Variants in KPNA6 observed in about 807,000 individuals in gnomAD.
KPNA6 encodes karyopherin subunit alpha 6, also known as importin subunit alpha-7.
In KPNA6, 9 loss-of-function variants were observed where a neutral mutation model predicts 72.0. The observed-to-expected ratio is 0.13, with a 90% CI of 0.08 to 0.22. KPNA6 has a LOEUF of 0.22. Ranked by LOEUF, KPNA6 falls within the 10% of genes least tolerant of loss-of-function variation. The pLI is 1.00. For synonymous variants in KPNA6, 219 were observed against 242.1 expected, an observed-to-expected ratio of 0.90 and a Z score of 0.89; for missense variants, 374 against 655.7, an observed-to-expected ratio of 0.57 and a Z score of 4.69.
chr1:32,108,140 T>A lies in KPNA6; in HGVS notation c.4+6T>A. The A allele has an allele frequency of 6.2e-7, 1 of 1,613,778 alleles. No individual in the cohort carries two copies. On this transcript the variant is annotated splice_donor_region_variant and intron_variant, in intron 1 of 13. Transcript: ENST00000373625. Reference sequence around the variant, plus strand: ...AGCGAGCGGACCCGCGATGGGTGAGTGAGGAAACCACGCAGTAGGGTTCTT... The same window carrying A: ...AGCGAGCGGACCCGCGATGGGTGAGAGAGGAAACCACGCAGTAGGGTTCTT...
At chr1:32,116,207 A>G (rs1569987867) in intron 1 of KPNA6, among the ~76,000 whole-genome samples, 1 of 144,908 alleles carries the variant, frequency 6.9e-6, no homozygotes, top group Middle Eastern at 3.8e-3. Context: ...TTTTTTTGAG[A>G]CAGAGGCTGG....
chr1:32,119,030 A>ATTTTTTTTTTTTTT (rs1402526300), intron 1 of KPNA6, among the ~76,000 whole-genome samples: 2 of 56,522 alleles, frequency 3.5e-5, no homozygotes, highest in African/African-American at 1.6e-4. Flanking sequence ...ATATATATAT[A>ATTTTTTTTTTTTTT]TATTTTTTTT....
rs1290001804 is a variant in KPNA6, at chr1:32,126,696, T to C, written c.4+18562T>C. Among the ~76,000 whole-genome samples, 3 of 152,148 alleles carry C rather than the reference T, an allele frequency of 2.0e-5. No homozygotes were observed. The East Asian group carries it at 5.8e-4, about 29-fold the overall frequency. On this transcript the variant is annotated intron_variant, in intron 1 of 13. Transcript: ENST00000373625. ...CACTGCATCTGAACAGTCATCAATA[T>C]TTAAATCACCCAAGAGGCTATAATT... is the stretch of plus-strand genomic sequence containing the variant.
chr1:32,136,659 C>T (rs1176896105), intron 1 of KPNA6, among the ~76,000 whole-genome samples: 1 of 152,108 alleles, frequency 6.6e-6, no homozygotes, highest in Non-Finnish European at 1.5e-5. Context: ...GGAAATAGAA[C>T]AATGATTCAG....
At chr1:32,158,634 T>G (rs938988751) in intron 5 of KPNA6, among the ~76,000 whole-genome samples, 1 of 152,202 alleles carries the variant, frequency 6.6e-6, no homozygotes, top group African/African-American at 2.4e-5. Context: ...TATTAATTCT[T>G]TCTGGGTTTT....
intron 1 of KPNA6, among the ~76,000 whole-genome samples, chr1:32,124,990 G>A (rs764970367): frequency 6.6e-6 from 1 of 151,444 alleles, no homozygotes; most frequent in Non-Finnish European, 1.5e-5. Context: ...GACTACCGGC[G>A]CATGCCACCA....
chr1:32,135,366 C>T lies in KPNA6; in HGVS notation c.5-19222C>T, dbSNP rs181916514. On this transcript the variant is annotated intron_variant, in intron 1 of 13. Transcript: ENST00000373625. ...ACATGTGTGAGCCACCGCGCCTGGCCAATTTATTTTTAGTAGAGACAGGGT... is the reference window on the plus strand; with the variant it reads ...ACATGTGTGAGCCACCGCGCCTGGCTAATTTATTTTTAGTAGAGACAGGGT... Among the ~76,000 whole-genome samples, 10 of 152,070 alleles carry T rather than the reference C, an allele frequency of 6.6e-5. 1 individual carries two copies. In the East Asian group the frequency reaches 1.7e-3, roughly 26 times the overall value.
At chr1:32,113,369 C>T (rs916381050) in intron 1 of KPNA6, among the ~76,000 whole-genome samples, 4 of 151,918 alleles carry the variant, frequency 2.6e-5, no homozygotes, top group Admixed American at 1.3e-4. Flanking sequence ...CCAGCCTGGG[C>T]GACAGAGCAA....
rs1163562168 is a variant in KPNA6 at position 32,136,213 on chromosome 1, G to A, written c.5-18375G>A. 6.9e-5 allele frequency among the ~76,000 whole-genome samples: 10 copies of A among 144,792 alleles called. 1 individual carries two copies. Among genetic ancestry groups the A allele is most frequent in the Admixed American group, 6.3e-4 (9 of 14,188 alleles). 95.0% of individuals were successfully genotyped at this position (144,792 alleles called of 152,430 possible). On this transcript the variant is annotated intron_variant, in intron 1 of 13. Coordinates refer to ENST00000373625, the MANE Select transcript of KPNA6 (RefSeq NM_012316.5). ...TTTTTTGAGATGGAGTTTCACTCTT[G>A]TTGCCCAGGCTGGAGTGCAAGGGCG...
intron 10 of KPNA6, among the ~76,000 whole-genome samples, chr1:32,164,556 G>A (rs1428061046): frequency 6.9e-6 from 1 of 145,608 alleles, no homozygotes; most frequent in Non-Finnish European, 1.5e-5. Flanking sequence ...TCCGTTTTTT[G>A]TTTTTTGTTT....
At chr1:32,116,599 G>T (rs1025679684) in intron 1 of KPNA6, among the ~76,000 whole-genome samples, 1 of 152,008 alleles carries the variant, frequency 6.6e-6, no homozygotes, top group Non-Finnish European at 1.5e-5. Flanking sequence ...TGGAGGTTTC[G>T]GTGAGCTGAG....
intron 1 of KPNA6, among the ~76,000 whole-genome samples, chr1:32,123,982 T>C (rs28851000): frequency 1.5e-5 from 2 of 131,638 alleles, no homozygotes; most frequent in African/African-American, 3.0e-5. Context: ...TGCAGTGAGC[T>C]GAGGTCATGC....
At position 32,173,054 on chromosome 1, in the gene KPNA6, T is replaced by C. The variant is rs888200890; in HGVS notation, c.*2160T>C. 2.5e-6 allele frequency: 1 copy of C among 398,112 alleles called. No homozygotes were observed. Among genetic ancestry groups the C allele is most frequent in the Non-Finnish European group, 4.4e-6 (1 of 226,000 alleles). 24.7% of individuals were successfully genotyped at this position (398,112 alleles called of 1,614,324 possible). ...TGTTGTACCACCTTGGTGAGTCATATGCCACTCATCAGCTTGGGAATGATG... is the reference window on the plus strand; with the variant it reads ...TGTTGTACCACCTTGGTGAGTCATACGCCACTCATCAGCTTGGGAATGATG... On this transcript the variant is annotated 3_prime_UTR_variant, in exon 14 of 14. Transcript: ENST00000373625.
intron 1 of KPNA6, among the ~76,000 whole-genome samples, chr1:32,117,539 C>T (rs1282680085): frequency 6.6e-6 from 1 of 151,828 alleles, no homozygotes; most frequent in African/African-American, 2.4e-5. Flanking sequence ...CCTATAATCC[C>T]AGCACTTTGG....
chr1:32,108,467 C>T (rs1281221743), intron 1 of KPNA6, among the ~76,000 whole-genome samples: 1 of 152,224 alleles, frequency 6.6e-6, no homozygotes, highest in African/African-American at 2.4e-5. Context: ...GGGACGGGCT[C>T]CCGGCGGCAG....
intron 1 of KPNA6, among the ~76,000 whole-genome samples, chr1:32,124,528 A>G (rs1641497625): frequency 6.8e-6 from 1 of 147,650 alleles, no homozygotes; most frequent in African/African-American, 2.5e-5. Flanking sequence ...TTTTTTTCCA[A>G]CAGTCTCTCG....
intron 1 of KPNA6, among the ~76,000 whole-genome samples, chr1:32,112,521 C>G (rs1162128882): frequency 6.6e-6 from 1 of 152,032 alleles, no homozygotes; most frequent in African/African-American, 2.4e-5. Context: ...GACAGGCTGG[C>G]CCTGTCTGTC....
intron 1 of KPNA6, among the ~76,000 whole-genome samples, chr1:32,124,576 G>A (rs998735481): frequency 6.7e-6 from 1 of 149,984 alleles, no homozygotes; most frequent in Non-Finnish European, 1.5e-5. Context: ...GCACGATCTC[G>A]GCTCACTGCA....
At chr1:32,135,181 C>T (rs1223928357) in intron 1 of KPNA6, among the ~76,000 whole-genome samples, 1 of 152,184 alleles carries the variant, frequency 6.6e-6, no homozygotes, top group Non-Finnish European at 1.5e-5. Context: ...GATTCTCCTG[C>T]TTCAGCCTCC....
Sources: gnomAD v4.1 joint callset for allele counts (sites outside exome capture counted in the v4.1 genomes callset) on GRCh38, gnomAD v4.1.1 for gene constraint, MANE v1.5 for transcripts, NCBI Gene and HGNC (gene_info 2026-07-23, HGNC 2026-07-21) for gene names.